SYT7: variants seen among roughly 807,000 people sequenced by gnomAD.
SYT7 encodes synaptotagmin-7.
In SYT7, 29 loss-of-function variants were observed where a neutral mutation model predicts 75.1. That is an observed-to-expected ratio of 0.39 (90% CI 0.29 to 0.53). SYT7 has a LOEUF of 0.53. Among genes scored for constraint, SYT7 ranks in the 20% least tolerant of loss-of-function variants. The pLI is 0.77. For missense variants in SYT7, 693 were observed against 953.2 expected (o/e 0.73, Z 3.59); for synonymous variants, 376 against 401.7 (o/e 0.94, Z 0.76).
At chr11:61,540,545 G>C (rs566416455) in intron 6 of SYT7, 2 of 985,518 alleles carry the variant, frequency 2.0e-6, no homozygotes, top group Admixed American at 1.2e-4. Context: ...CAGCAACTAG[G>C]GGGACATGAG....
At chr11:61,528,301 C>T (rs1365446543) in intron 8 of SYT7, 116 bp from the exon 9 acceptor site, 7 of 1,282,186 alleles carry the variant, frequency 5.5e-6, no homozygotes, top group Admixed American at 4.4e-5. Context: ...ACACTCACAT[C>T]CCACGGACGC....
intron 1 of SYT7, among the ~76,000 whole-genome samples, chr11:61,561,968 A>G (rs1245096514): frequency 6.6e-6 from 1 of 152,024 alleles, no homozygotes; most frequent in East Asian, 1.9e-4. Context: ...GAGATGGGAG[A>G]GGCTGCAGTG....
At chr11:61,538,038 GA>G (rs2062920062) in intron 7 of SYT7, 105 bp downstream of exon 7, 1 of 1,463,568 alleles carries the variant, frequency 6.8e-7, no homozygotes, top group Admixed American at 2.1e-5. Flanking sequence ...AGCATCCGCT[GA>G]AGGCACCACC....
Position 61,517,857 on chromosome 11 carries a change from G to A in SYT7, c.*770C>T. Reference sequence around the variant, plus strand: ...CAAGGGGAGAAGGGGAGGAGACGGGGGGATGGCAGGAGGCAGCCCAGTTCT... The same window carrying A: ...CAAGGGGAGAAGGGGAGGAGACGGGAGGATGGCAGGAGGCAGCCCAGTTCT... On this transcript the variant is annotated 3_prime_UTR_variant, in exon 13 of 13. Transcript: ENST00000539008. 3.4e-6 allele frequency: 1 copy of A among 292,470 alleles called. No homozygotes were observed. Among genetic ancestry groups the A allele is most frequent in the Non-Finnish European group, 6.3e-6 (1 of 159,832 alleles). The allele number at this position is 292,470 out of a possible 1,614,324, so 18.1% of individuals were successfully genotyped here.
intron 9 of SYT7, chr11:61,525,906 C>A (rs960259041): frequency 1.3e-5 from 2 of 152,556 alleles, no homozygotes; most frequent in African/African-American, 4.8e-5. Context: ...GAAGAGGGGG[C>A]CAGGTGAAGG....
Position 61,542,806 on chromosome 11 carries a change from C to T in SYT7, c.573-227G>A, listed in dbSNP as rs951559343. ...CCTGAGGCCCCAGGCCGGCTCTGCC[C>T]ACCCACCTTCTGGCCCTGGCTCAGC... On this transcript the variant is annotated intron_variant, in intron 5 of 12. Transcript: ENST00000539008. The surrounding 1 kb of genome is among the most constrained non-coding windows in gnomAD (Gnocchi z 7.8). Among the ~76,000 whole-genome samples the T allele has an allele frequency of 2.6e-4, 40 of 152,336 alleles. No individual in the cohort carries two copies. The highest frequency in any genetic ancestry group is 9.4e-4 in the African/African-American group (39 of 41,570).
chr11:61,530,931 C>T, intron 8 of SYT7: 1 of 985,448 alleles, frequency 1.0e-6, no homozygotes, highest in Non-Finnish European at 1.2e-6. Context: ...CAGCAGAAGT[C>T]AGCCTCGAAA....
chr11:61,538,096 G>A (rs779393463), intron 7 of SYT7, 48 bp downstream of exon 7: 23 of 1,531,956 alleles, frequency 1.5e-5, no homozygotes, highest in African/African-American at 4.1e-5. Flanking sequence ...GCCTCTCCGC[G>A]CCTCCTTCTC....
Position 61,544,524 on chromosome 11 carries a change from C to G in SYT7, c.572+1507G>C, listed in dbSNP as rs575131291. Among the ~76,000 whole-genome samples the G allele has an allele frequency of 5.3e-5, 8 of 152,280 alleles. No individual in the cohort carries two copies. In the East Asian group the frequency reaches 1.5e-3, roughly 29 times the overall value. On this transcript the variant is annotated intron_variant, in intron 5 of 12. Transcript: ENST00000539008. ...CTCCAGGGGCCGGCCCAGGCCTGGC[C>G]GGCCAGGTAGGCCCACAGCTCCCTG... is the stretch of plus-strand genomic sequence containing the variant.
chr11:61,516,876 A>G lies in SYT7; in HGVS notation c.*1751T>C, dbSNP rs2062160672. The G allele has an allele frequency of 5.5e-6, 1 of 182,012 alleles. No individual in the cohort carries two copies. Among genetic ancestry groups the G allele is most frequent in the Non-Finnish European group, 1.1e-5 (1 of 88,338 alleles). The allele number at this position is 182,012 out of a possible 1,614,324, so 11.3% of individuals were successfully genotyped here. A position where few individuals can be genotyped will look rare whatever the true frequency, so the allele number is the denominator to read the frequency against. ...GTGGGGGTGTGCGATTTAATTTCAGAAAATTTCGGTATGGGCAAAAGGCGA... is the reference window on the plus strand; with the variant it reads ...GTGGGGGTGTGCGATTTAATTTCAGGAAATTTCGGTATGGGCAAAAGGCGA... On this transcript the variant is annotated 3_prime_UTR_variant, in exon 13 of 13. Transcript: ENST00000539008. The surrounding 1 kb of genome is among the most constrained non-coding windows in gnomAD (Gnocchi z 4.6).
chr11:61,567,034 G>A (rs2135406475), intron 1 of SYT7, among the ~76,000 whole-genome samples: 1 of 152,276 alleles, frequency 6.6e-6, no homozygotes, highest in East Asian at 1.9e-4. Context: ...GGAGGGGAGT[G>A]CATTTAATTT....
Position 61,533,023 on chromosome 11 carries a change from T to C in SYT7, c.1166A>G (p.Asp389Gly), listed in dbSNP as rs554487646. 3 of 1,613,530 alleles carry C rather than the reference T, an allele frequency of 1.9e-6. No homozygotes were observed. The highest frequency in any genetic ancestry group is 2.5e-6 in the Non-Finnish European group (3 of 1,180,020). The change falls in exon 8 of 13, where the codon GAC becomes GGC. Residue 389 changes from aspartate to glycine, a missense_variant. This residue lies in a region of SYT7 where 487 missense variants were observed against 593.2 expected (regional missense o/e 0.82). Coordinates refer to ENST00000539008, the MANE Select transcript of SYT7 (RefSeq NM_001365809.2). ...RRTEPRSSVS[D>G]LVNSLTSEML... is the part of the protein sequence containing the mutation. ...CTCGCTGGTGAGGGAGTTGACGAGG[T>C]CTGAGACGGAGGAACGTGGCTCGGT... is the stretch of plus-strand genomic sequence containing the variant.
At chr11:61,567,727 C>A (rs2063811053) in intron 1 of SYT7, among the ~76,000 whole-genome samples, 1 of 152,236 alleles carries the variant, frequency 6.6e-6, no homozygotes, top group Non-Finnish European at 1.5e-5. Flanking sequence ...GGGCACTGCA[C>A]CCCGGCGGGC....
At chr11:61,545,765 G>A (rs543228094) in intron 5 of SYT7, among the ~76,000 whole-genome samples, 97 of 152,358 alleles carry the variant, frequency 6.4e-4, no homozygotes, top group African/African-American at 2.3e-3. Flanking sequence ...GCTGCCCTGG[G>A]GGCAGAAAAT....
intron 1 of SYT7, among the ~76,000 whole-genome samples, chr11:61,556,698 A>G (rs1192322081): frequency 6.6e-6 from 1 of 152,254 alleles, no homozygotes; most frequent in African/African-American, 2.4e-5. Flanking sequence ...TAGCTCTGAC[A>G]GCCCCTCTGA....
intron 7 of SYT7, among the ~76,000 whole-genome samples, chr11:61,534,408 C>CACAT (rs1565176181): frequency 1.3e-5 from 2 of 148,536 alleles, no homozygotes; most frequent in African/African-American, 5.2e-5. Context: ...CATGTACACA[C>CACAT]GCACGCACAC....
rs1431305444 is a variant in SYT7 at position 61,523,537 on chromosome 11, A to G, written c.1757-263T>C. 6.6e-6 allele frequency among the ~76,000 whole-genome samples: 1 copy of G among 152,216 alleles called. No individual in the cohort carries two copies. The highest frequency in any genetic ancestry group is 2.4e-5 in the African/African-American group (1 of 41,456). On this transcript the variant is annotated intron_variant, in intron 11 of 12. Transcript: ENST00000539008. The surrounding 1 kb of genome is among the most constrained non-coding windows in gnomAD (Gnocchi z 5.0). ...TTGCCCAAAATCTCAGACAAGTAGCATCAGAGCTGGGGATAGAACCCAGGT... is the reference window on the plus strand; with the variant it reads ...TTGCCCAAAATCTCAGACAAGTAGCGTCAGAGCTGGGGATAGAACCCAGGT...
chr11:61,584,303 G>T (rs1280537849), upstream of SYT7, among the ~76,000 whole-genome samples: 2 of 150,972 alleles, frequency 1.3e-5, no homozygotes, highest in African/African-American at 4.9e-5. Context: ...GCTGAGGCAG[G>T]AGAATCGCTT....
At chr11:61,577,148 T>G (rs918894345) in intron 1 of SYT7, among the ~76,000 whole-genome samples, 1 of 152,180 alleles carries the variant, frequency 6.6e-6, no homozygotes, top group African/African-American at 2.4e-5. Context: ...ACCAGGGCCC[T>G]GGAGGGGGCC....
Sources: gnomAD v4.1 joint callset for allele counts (sites outside exome capture counted in the v4.1 genomes callset) on GRCh38, gnomAD v4.1.1 for gene constraint, gnomAD v4.1.1 regional missense constraint, Gnocchi (gnomAD v3.1) non-coding constraint, MANE v1.5 for transcripts, NCBI Gene and HGNC (gene_info 2026-07-23, HGNC 2026-07-21) for gene names.